SLC25A21: variants seen among roughly 807,000 people sequenced by gnomAD.
SLC25A21 encodes solute carrier family 25 member 21, also known as mitochondrial 2-oxodicarboxylate carrier.
SLC25A21 carries 47 observed loss-of-function variants against 43.8 expected under a neutral mutation model. That is an observed-to-expected ratio of 1.07 (90% confidence interval 0.85 to 1.37). The LOEUF (loss-of-function observed/expected upper bound fraction) is 1.37, where lower values mean the gene tolerates loss of function less well. Ranked by LOEUF, SLC25A21 falls within the 40% of genes most tolerant of loss-of-function variation. SLC25A21 has a pLI of 0.00. For missense variants in SLC25A21, 352 were observed against 350.2 expected, an observed-to-expected ratio of 1.00 and a Z score of -0.04; for synonymous variants, 131 against 121.3, an observed-to-expected ratio of 1.08 and a Z score of -0.52.
chr14:36,771,447 A>T (rs1886614910), intron 3 of SLC25A21, among the ~76,000 whole-genome samples: 1 of 152,150 alleles, frequency 6.6e-6, no homozygotes, highest in South Asian at 2.1e-4. Flanking sequence ...GAATGGCTCA[A>T]GGTATGTAAA....
At chr14:36,924,957 C>T (rs530466475) in intron 1 of SLC25A21, among the ~76,000 whole-genome samples, 2 of 152,174 alleles carry the variant, frequency 1.3e-5, no homozygotes, top group South Asian at 2.1e-4. Context: ...CCCACAGTTA[C>T]TGAGGGACAA....
chr14:37,151,552 C>T lies in SLC25A21; in HGVS notation c.70+20729G>A, dbSNP rs2138934763. Among the ~76,000 whole-genome samples the T allele has an allele frequency of 1.3e-5, 2 of 152,218 alleles. 1 individual carries two copies. The highest frequency in any genetic ancestry group is 4.1e-4 in the South Asian group (2 of 4,826). On this transcript the variant is annotated intron_variant, in intron 1 of 9. Transcript: ENST00000331299. ...GAAAAAGCTGTGGTATTTAACATAA[C>T]CAGAGAGAAAAAGAAGACTTATGGG... is the stretch of plus-strand genomic sequence containing the variant.
In SLC25A21 at chr14:36,678,422, C is replaced by G; in HGVS notation, c.*2236G>C. On this transcript the variant is annotated 3_prime_UTR_variant, in exon 10 of 10. Coordinates refer to ENST00000331299, the MANE Select transcript of SLC25A21 (RefSeq NM_030631.4). ...AGAATAAGCAGAAGGAGCAGATGAA[C>G]TCTCAGGGCCATAGTCTTCCTTTGA... The G allele has an allele frequency of 2.2e-6, 3 of 1,336,420 alleles. No homozygotes were observed. Among genetic ancestry groups the G allele is most frequent in the Non-Finnish European group, 3.1e-6 (3 of 964,242 alleles). 82.8% of individuals were successfully genotyped at this position (1,336,420 alleles called of 1,614,324 possible). A position where few individuals can be genotyped will look rare whatever the true frequency, so the allele number is the denominator to read the frequency against.
chr14:37,164,699 C>G (rs927075479), intron 1 of SLC25A21, among the ~76,000 whole-genome samples: 5 of 152,112 alleles, frequency 3.3e-5, no homozygotes, highest in African/African-American at 1.2e-4. Flanking sequence ...AAGGAGTAAT[C>G]TTGTGAAAAT....
At chr14:36,758,144 G>C (rs1377677188) in intron 3 of SLC25A21, among the ~76,000 whole-genome samples, 1 of 152,210 alleles carries the variant, frequency 6.6e-6, no homozygotes, top group East Asian at 1.9e-4. Context: ...TGGTGGCTCA[G>C]ACCTCACCAA....
At chr14:36,772,805 A>G (rs934246227) in intron 3 of SLC25A21, among the ~76,000 whole-genome samples, 1 of 152,226 alleles carries the variant, frequency 6.6e-6, no homozygotes, top group African/African-American at 2.4e-5. Context: ...TCAGTGTTAC[A>G]TAATTTGGGG....
chr14:36,922,301 C>CA (rs1286970994), intron 1 of SLC25A21, among the ~76,000 whole-genome samples: 1 of 152,016 alleles, frequency 6.6e-6, no homozygotes, highest in Non-Finnish European at 1.5e-5. Context: ...AGCGGCAGTT[C>CA]AGAGCTGTTT....
intron 3 of SLC25A21, among the ~76,000 whole-genome samples, chr14:36,810,534 G>A (rs546689697): frequency 2.0e-5 from 3 of 152,298 alleles, no homozygotes; most frequent in African/African-American, 7.2e-5. Flanking sequence ...CACATCACCA[G>A]AGTAATAGCT....
At chr14:37,134,922 A>C (rs1594810423) in intron 1 of SLC25A21, among the ~76,000 whole-genome samples, 1 of 143,344 alleles carries the variant, frequency 7.0e-6, no homozygotes, top group Non-Finnish European at 1.5e-5. Context: ...GCAAAATCTC[A>C]TCTCTACTTT....
intron 3 of SLC25A21, among the ~76,000 whole-genome samples, chr14:36,811,478 C>T (rs190512968): frequency 6.6e-6 from 1 of 152,070 alleles, no homozygotes; most frequent in African/African-American, 2.4e-5. Flanking sequence ...CGGTGAGGCC[C>T]CGTCTCTACT....
chr14:36,779,604 G>GTATA (rs1346791998), intron 3 of SLC25A21, among the ~76,000 whole-genome samples: 2 of 51,876 alleles, frequency 3.9e-5, no homozygotes, highest in Non-Finnish European at 8.2e-5. Context: ...ATGTATATGT[G>GTATA]TATACATATA....
At chr14:37,014,085 C>A (rs934925001) in intron 1 of SLC25A21, among the ~76,000 whole-genome samples, 1 of 152,026 alleles carries the variant, frequency 6.6e-6, no homozygotes, top group Non-Finnish European at 1.5e-5. Context: ...GTCTTGCCTT[C>A]ACATTGGTGA....
At chr14:36,852,562 T>C (rs1889774190) in intron 2 of SLC25A21, among the ~76,000 whole-genome samples, 1 of 152,206 alleles carries the variant, frequency 6.6e-6, no homozygotes, top group Non-Finnish European at 1.5e-5. Context: ...GAAAGTAATA[T>C]ATAGTGTGAA....
chr14:36,715,945 G>T (rs1884112155), intron 6 of SLC25A21, among the ~76,000 whole-genome samples: 1 of 152,040 alleles, frequency 6.6e-6, no homozygotes, highest in African/African-American at 2.4e-5. Context: ...ACAAAAAGTA[G>T]CTGGGCATGG....
intron 1 of SLC25A21, among the ~76,000 whole-genome samples, chr14:36,895,646 A>G (rs568328086): frequency 3.3e-5 from 5 of 152,204 alleles, no homozygotes; most frequent in East Asian, 3.9e-4. Flanking sequence ...TGTCAATTTT[A>G]GATCTTTCCT....
intron 1 of SLC25A21, among the ~76,000 whole-genome samples, chr14:37,160,709 C>T (rs550137231): frequency 6.6e-6 from 1 of 151,960 alleles, no homozygotes. Flanking sequence ...GTAGGCAGAT[C>T]ACTTGAGGTC....
At chr14:37,042,819 A>G (rs563080935) in intron 1 of SLC25A21, among the ~76,000 whole-genome samples, 1 of 152,306 alleles carries the variant, frequency 6.6e-6, no homozygotes, top group East Asian at 1.9e-4. Flanking sequence ...TTTCCATTAC[A>G]TATTCAATTT....
chr14:36,884,342 T>C (rs921801337), intron 1 of SLC25A21, among the ~76,000 whole-genome samples: 4 of 152,200 alleles, frequency 2.6e-5, no homozygotes, highest in African/African-American at 9.6e-5. Flanking sequence ...CTGAAGAGTA[T>C]TCTGTTGTAT....
intron 2 of SLC25A21, among the ~76,000 whole-genome samples, chr14:36,837,736 C>T (rs1889257299): frequency 6.6e-6 from 1 of 152,174 alleles, no homozygotes; most frequent in Non-Finnish European, 1.5e-5. Context: ...CACCATACTA[C>T]ACTCCTACAA....
Sources: allele counts gnomAD v4.1 joint callset (sites outside exome capture counted in the v4.1 genomes callset), GRCh38; gene constraint gnomAD v4.1.1; transcripts MANE v1.5; gene names NCBI Gene and HGNC (gene_info 2026-07-23, HGNC 2026-07-21).